Variants in LIAT1 observed in about 807,000 individuals in gnomAD.
The protein encoded by LIAT1 is ligand of ATE1, also known as protein LIAT1.
the LIAT1 span, chr17:410,509 A>G: frequency 6.5e-7 from 1 of 1,544,964 alleles, no homozygotes; most frequent in South Asian, 1.2e-5. Flanking sequence ...GGCGAGGAGG[A>G]GGAGCGGGAG....
chr17:413,334 A>G, the LIAT1 span: 1 of 1,614,242 alleles, frequency 6.2e-7, no homozygotes, highest in South Asian at 1.1e-5. Flanking sequence ...AACCTTGCGA[A>G]TCGGATCAAC....
the LIAT1 span, chr17:413,223 A>G: frequency 1.1e-5 from 18 of 1,614,224 alleles, no homozygotes; most frequent in Non-Finnish European, 1.5e-5. Context: ...CCTTGCAAAG[A>G]GCGTGGCCCG....
chr17:412,618 G>T, the LIAT1 span, among the ~76,000 whole-genome samples: 8 of 152,224 alleles, frequency 5.3e-5, no homozygotes, highest in East Asian at 1.5e-3. Context: ...AGTATTTCTG[G>T]CTTGGCATAA....
the LIAT1 span, chr17:410,746 A>C: frequency 6.9e-6 from 8 of 1,166,920 alleles, no homozygotes; most frequent in Non-Finnish European, 8.4e-6. Context: ...ACAGAAGCTC[A>C]GTGGTCCCGG....
the LIAT1 span, chr17:410,503 AG>A: frequency 4.5e-6 from 7 of 1,543,894 alleles, no homozygotes; most frequent in East Asian, 4.9e-5. Flanking sequence ...AACGACGGCG[AG>A]GAGGAGGAGC....
chr17:413,641 C>A, the LIAT1 span: 1 of 1,564,362 alleles, frequency 6.4e-7, no homozygotes, highest in East Asian at 2.3e-5. Flanking sequence ...AGGGCTTCCA[C>A]CCCGACCCTG....
chr17:414,363 T>G, the LIAT1 span: 2 of 502,460 alleles, frequency 4.0e-6, no homozygotes, highest in East Asian at 7.0e-5. This position sits in a 1 kb window ranked among gnomAD's most constrained non-coding sequence, Gnocchi z 4.1. Context: ...AGTAAGCATC[T>G]CTGTTACTTA....
chr17:410,372 C>A, the LIAT1 span: 6 of 1,512,082 alleles, frequency 4.0e-6, no homozygotes, highest in South Asian at 3.8e-5. Context: ...GCCTGGCGGT[C>A]CGCGCTGAGA....
At chr17:413,072 G>A in the LIAT1 span, 2 of 1,538,638 alleles carry the variant, frequency 1.3e-6, no homozygotes, top group Non-Finnish European at 1.8e-6. Context: ...TTCCATCTTG[G>A]GTGATTTTGG....
chr17:413,626 C>A, the LIAT1 span: 1 of 1,217,854 alleles, frequency 8.2e-7, no homozygotes, highest in Admixed American at 2.2e-5. Context: ...ACCCCGAGGC[C>A]CTCAAGGGCT....
chr17:410,834 C>G, the LIAT1 span, among the ~76,000 whole-genome samples: 1 of 152,120 alleles, frequency 6.6e-6, no homozygotes, highest in African/African-American at 2.4e-5. Flanking sequence ...AGACCATCCA[C>G]CAACTCTGCG....
the LIAT1 span, among the ~76,000 whole-genome samples, chr17:412,875 T>G: frequency 6.6e-6 from 1 of 152,222 alleles, no homozygotes; most frequent in East Asian, 1.9e-4. Flanking sequence ...CTTTTGGAGC[T>G]TCGGTTTCCT....
chr17:414,360 ATC>A, the LIAT1 span: 2 of 509,538 alleles, frequency 3.9e-6, no homozygotes, highest in African/African-American at 1.9e-5. This position sits in a 1 kb window ranked among gnomAD's most constrained non-coding sequence, Gnocchi z 4.1. Context: ...TTAAGTAAGC[ATC>A]TCTGTTACTT....
At chr17:413,261 G>A in the LIAT1 span, 2 of 1,614,028 alleles carry the variant, frequency 1.2e-6, no homozygotes, top group Non-Finnish European at 1.7e-6. Flanking sequence ...GAGCAAAGTG[G>A]AAAAGAAGCA....
the LIAT1 span, chr17:410,573 C>T: frequency 6.5e-7 from 1 of 1,546,660 alleles, no homozygotes; most frequent in Admixed American, 2.0e-5. Flanking sequence ...CAGGCGGCGC[C>T]TCCGAGCTGG....
At chr17:412,094 C>G in the LIAT1 span, among the ~76,000 whole-genome samples, 1 of 152,194 alleles carries the variant, frequency 6.6e-6, no homozygotes, top group Non-Finnish European at 1.5e-5. Flanking sequence ...TGGCTGGGCA[C>G]ATGGCTCACG....
chr17:411,169 C>T, the LIAT1 span, among the ~76,000 whole-genome samples: 8 of 152,316 alleles, frequency 5.3e-5, no homozygotes, highest in Non-Finnish European at 1.0e-4. Context: ...TAAAGGTCCT[C>T]GCTGCATGGG....
At chr17:410,331 G>A in the LIAT1 span, 11 of 1,459,276 alleles carry the variant, frequency 7.5e-6, no homozygotes, top group East Asian at 2.6e-5. Flanking sequence ...AGGCGCAGCA[G>A]GGGTGGTCGC....
chr17:412,503 G>A, the LIAT1 span, among the ~76,000 whole-genome samples: 797 of 152,076 alleles, frequency 5.2e-3, 11 homozygotes, highest in African/African-American at 0.017. Flanking sequence ...ATAAAAGGAC[G>A]AGCTGATGAA....
Sources: gnomAD v4.1 joint callset for allele counts (sites outside exome capture counted in the v4.1 genomes callset) on GRCh38, gnomAD v4.1.1 for gene constraint, Gnocchi (gnomAD v3.1) non-coding constraint, MANE v1.5 for transcripts, NCBI Gene and HGNC (gene_info 2026-07-23, HGNC 2026-07-21) for gene names.